ST6GALNAC1: variants seen among roughly 807,000 people sequenced by gnomAD.
The protein encoded by ST6GALNAC1 is ST6 N-acetylgalactosaminide alpha-2,6-sialyltransferase 1.
A neutral mutation model predicts 56.8 loss-of-function variants in ST6GALNAC1; 45 were observed. The ratio of observed to expected loss-of-function variants is 0.79; its 90% confidence interval spans 0.62 to 1.02. The LOEUF (loss-of-function observed/expected upper bound fraction) is 1.02. Ranked by LOEUF, ST6GALNAC1 falls within the 50% of genes least tolerant of loss-of-function variation. The pLI is 0.00. For missense variants in ST6GALNAC1, 743 were observed against 754.8 expected (o/e 0.98, Z 0.18); for synonymous variants, 295 against 297.8 (o/e 0.99, Z 0.10).
intron 1 of ST6GALNAC1, among the ~76,000 whole-genome samples, chr17:76,640,504 C>G (rs769347512): frequency 6.6e-6 from 1 of 152,216 alleles, no homozygotes; most frequent in Non-Finnish European, 1.5e-5. Context: ...GGACTCTAAC[C>G]CTCTGAGTTT....
chr17:76,619,701 C>T, the ST6GALNAC1 span, among the ~76,000 whole-genome samples: 1 of 150,370 alleles, frequency 6.7e-6, no homozygotes, highest in East Asian at 2.0e-4. Context: ...ATTGTTTTGC[C>T]CATTCTGTGG....
downstream of ST6GALNAC1, among the ~76,000 whole-genome samples, chr17:76,623,204 T>C (rs1411541544): frequency 6.6e-6 from 1 of 152,218 alleles, no homozygotes; most frequent in Non-Finnish European, 1.5e-5. Flanking sequence ...GGACCTTCTG[T>C]TCCATTTCAC....
downstream of ST6GALNAC1, among the ~76,000 whole-genome samples, chr17:76,622,425 C>T (rs896086256): frequency 2.6e-4 from 39 of 151,982 alleles, no homozygotes; most frequent in African/African-American, 9.4e-4. Context: ...AGTGCAGTGG[C>T]GTGATCTTGG....
rs922223366 is a variant in ST6GALNAC1, at chr17:76,627,663, C to T, written c.832-80G>A. Reference sequence around the variant, plus strand: ...AGGGGCTGCACCACTGCAGCAAGGGCTGGGGCTCGCAGTTTGGAAGGCGCG... The same window carrying T: ...AGGGGCTGCACCACTGCAGCAAGGGTTGGGGCTCGCAGTTTGGAAGGCGCG... On this transcript the variant is annotated intron_variant, in intron 2 of 8. Coordinates refer to ENST00000156626, the MANE Select transcript of ST6GALNAC1 (RefSeq NM_018414.5). This position sits in a 1 kb window ranked among gnomAD's most constrained non-coding sequence, Gnocchi z 4.4. 7 of 1,396,108 alleles carry T rather than the reference C, an allele frequency of 5.0e-6. No homozygotes were observed. In the Admixed American group the frequency reaches 5.9e-5, roughly 12 times the overall value. 86.5% of individuals were successfully genotyped at this position (1,396,108 alleles called of 1,614,324 possible). A position where few individuals can be genotyped will look rare whatever the true frequency, so the allele number is the denominator to read the frequency against.
intron 1 of ST6GALNAC1, among the ~76,000 whole-genome samples, chr17:76,633,148 G>A (rs774621539): frequency 6.6e-6 from 1 of 152,142 alleles, no homozygotes; most frequent in Non-Finnish European, 1.5e-5. Context: ...GGCAGAGGTT[G>A]CAGTGAGCTG....
chr17:76,618,501 G>C, the ST6GALNAC1 span, among the ~76,000 whole-genome samples: 1 of 152,046 alleles, frequency 6.6e-6, no homozygotes, highest in African/African-American at 2.4e-5. Flanking sequence ...TTTTTGGCTG[G>C]GCACAATGGC....
downstream of ST6GALNAC1, among the ~76,000 whole-genome samples, chr17:76,621,938 CTTTT>C (rs2075745115): frequency 1.6e-5 from 1 of 62,696 alleles, no homozygotes; most frequent in African/African-American, 3.5e-5. Flanking sequence ...TAAAGTCTTT[CTTTT>C]CTTTTTTTTT....
At chr17:76,619,739 A>ATTT in the ST6GALNAC1 span, among the ~76,000 whole-genome samples, 4 of 88,436 alleles carry the variant, frequency 4.5e-5, no homozygotes, top group East Asian at 4.9e-4. Context: ...TAATAATGTT[A>ATTT]GTTTTTTTTT....
chr17:76,628,238 T>TTCTC, intron 2 of ST6GALNAC1, among the ~76,000 whole-genome samples: 1 of 74,762 alleles, frequency 1.3e-5, no homozygotes, highest in African/African-American at 4.5e-5. Flanking sequence ...TTTATGGGCC[T>TTCTC]TCTCCCTCCC....
the ST6GALNAC1 span, among the ~76,000 whole-genome samples, chr17:76,618,449 G>A: frequency 4.7e-3 from 713 of 152,236 alleles, 10 homozygotes; most frequent in African/African-American, 0.017. Context: ...AAATGTGTAT[G>A]TAATTTTAGG....
downstream of ST6GALNAC1, among the ~76,000 whole-genome samples, chr17:76,622,177 G>C (rs1001777568): frequency 1.7e-4 from 25 of 148,092 alleles, no homozygotes; most frequent in Admixed American, 1.3e-4. Flanking sequence ...TTGGGGAGTT[G>C]CTGTTCATAT....
At chr17:76,639,638 AACACACACACACAC>A (rs55706272) in intron 1 of ST6GALNAC1, among the ~76,000 whole-genome samples, 20,851 of 125,060 alleles carry the variant, frequency 0.17, 1,912 homozygotes, top group Admixed American at 0.18. Context: ...TTACATGATA[AACACACACACACAC>A]ACACACACAC....
intron 1 of ST6GALNAC1, among the ~76,000 whole-genome samples, chr17:76,642,262 G>T (rs2076059803): frequency 1.7e-5 from 2 of 117,074 alleles, no homozygotes; most frequent in Non-Finnish European, 1.7e-5. Context: ...TATCGGGCTT[G>T]TATAGCATAA....
chr17:76,622,996 T>A (rs2075756815), downstream of ST6GALNAC1, among the ~76,000 whole-genome samples: 1 of 152,188 alleles, frequency 6.6e-6, no homozygotes, highest in South Asian at 2.1e-4. Context: ...CATTTCACCA[T>A]ATTGGCCAGG....
rs1407061432 is a variant in ST6GALNAC1 at position 76,626,758 on chromosome 17, G to A, written c.1204C>T (p.Gln402Ter). 1.2e-6 allele frequency: 2 copies of A among 1,614,232 alleles called. No individual in the cohort carries two copies. Among genetic ancestry groups the A allele is most frequent in the Admixed American group, 1.7e-5 (1 of 60,032 alleles). The change falls in exon 5 of 9, where the codon CAG becomes TAG. Residue 402 changes from glutamine (Q) to a stop codon, truncating the protein, a stop_gained. Transcript: ENST00000156626. LOFTEE classifies it high-confidence loss of function. ...LSGALIKGYEQDVGTRTSFYG... is the reference protein window; with the variant it reads ...LSGALIKGYE ...AAGGATGTCCGAGTCCCCACATCCT[G>A]TTCGTAGCCTTTAATGAGAGCTCCG...
Position 76,625,279 on chromosome 17 carries a change from G to A in ST6GALNAC1, c.*51C>T. 1 of 1,583,468 alleles carries A rather than the reference G, an allele frequency of 6.3e-7. No homozygotes were observed. The highest frequency in any genetic ancestry group is 8.6e-7 in the Non-Finnish European group (1 of 1,162,650). ...GCCAAAGAGTCTCAAGATTCCCACT[G>A]TATCCTGTGCCTTGGAGCAGGCAAG... On this transcript the variant is annotated 3_prime_UTR_variant, in exon 9 of 9. Coordinates refer to ENST00000156626, the MANE Select transcript of ST6GALNAC1 (RefSeq NM_018414.5).
Position 76,629,454 on chromosome 17 carries a change from T to A in ST6GALNAC1, c.389A>T (p.Glu130Val). Residue 130 changes from glutamate to valine, a missense_variant, in exon 2 of 9, where the codon GAG (glutamate) becomes GTG (valine). Glu to Val is a moderately radical substitution (Grantham distance 121). Coordinates refer to ENST00000156626, the MANE Select transcript of ST6GALNAC1 (RefSeq NM_018414.5). ...QRAAWKSPEK[E>V]KTMVNTLSPR... ...TGACAGTGTGTTCACCATGGTTTTC[T>A]CTTTTTCTGGGCTCTTCCATGCTGC... 1 of 1,614,162 alleles carries A rather than the reference T, an allele frequency of 6.2e-7. No homozygotes were observed. Among genetic ancestry groups the A allele is most frequent in the South Asian group, 1.1e-5 (1 of 91,082 alleles).
At chr17:76,622,398 C>T (rs1598284437), downstream of ST6GALNAC1, among the ~76,000 whole-genome samples, 2 of 152,140 alleles carry the variant, frequency 1.3e-5, no homozygotes, top group East Asian at 1.9e-4. Context: ...CAGAGTCTCA[C>T]CCTGTTACCA....
chr17:76,643,751 T>G lies in ST6GALNAC1; in HGVS notation c.-113A>C. Reference sequence around the variant, plus strand: ...GCCAGGAAGTGCACACCCTTTGTCTTAACAATGAGCCACTCCGGCAAGTGC... The same window carrying G: ...GCCAGGAAGTGCACACCCTTTGTCTGAACAATGAGCCACTCCGGCAAGTGC... On this transcript the variant is annotated 5_prime_UTR_variant, in exon 1 of 9. Transcript: ENST00000156626. 1 of 1,079,464 alleles carries G rather than the reference T, an allele frequency of 9.3e-7. No individual in the cohort carries two copies. Among genetic ancestry groups the G allele is most frequent in the Non-Finnish European group, 1.3e-6 (1 of 747,850 alleles). The allele number at this position is 1,079,464 out of a possible 1,614,324, so 66.9% of individuals were successfully genotyped here. A position where few individuals can be genotyped will look rare whatever the true frequency, so the allele number is the denominator to read the frequency against.
Sources: gnomAD v4.1 joint callset for allele counts (sites outside exome capture counted in the v4.1 genomes callset) on GRCh38, gnomAD v4.1.1 for gene constraint, Gnocchi (gnomAD v3.1) non-coding constraint, MANE v1.5 for transcripts, NCBI Gene and HGNC (gene_info 2026-07-23, HGNC 2026-07-21) for gene names.